CPED1: variants seen among roughly 807,000 people sequenced by gnomAD.
CPED1 encodes cadherin-like and PC-esterase domain-containing protein 1.
Under a neutral mutation model 128.2 loss-of-function variants are expected in CPED1, and 114 were observed. The ratio of observed to expected loss-of-function variants is 0.89; its 90% CI spans 0.76 to 1.04. The LOEUF (loss-of-function observed/expected upper bound fraction) is 1.04. Ranked by LOEUF, CPED1 falls within the 50% of genes least tolerant of loss-of-function variation. CPED1 has a pLI of 0.00. For missense variants in CPED1, 1,211 were observed against 1,207.1 expected (o/e 1.00, Z -0.05); for synonymous variants, 462 against 426.7 (o/e 1.08, Z -1.02).
chr7:121,070,948 GACTTGATCC>G (rs1426825978), intron 5 of CPED1, among the ~76,000 whole-genome samples: 2 of 152,116 alleles, frequency 1.3e-5, no homozygotes, highest in Non-Finnish European at 2.9e-5. Context: ...TTGATGTTCT[GACTTGATCC>G]AGGGACAGAT....
intron 16 of CPED1, among the ~76,000 whole-genome samples, chr7:121,176,080 A>G (rs1796770262): frequency 1.3e-5 from 2 of 151,588 alleles, no homozygotes; most frequent in African/African-American, 4.8e-5. Flanking sequence ...TACTTGAGGA[A>G]TTAGTCTAAT....
At chr7:121,249,064 G>A (rs1449731523) in intron 18 of CPED1, among the ~76,000 whole-genome samples, 4 of 151,986 alleles carry the variant, frequency 2.6e-5, no homozygotes, top group Non-Finnish European at 4.4e-5. Context: ...AATAGACCAG[G>A]CTGAGGAAAG....
intron 22 of CPED1, among the ~76,000 whole-genome samples, chr7:121,291,827 C>T (rs1792709419): frequency 6.6e-6 from 1 of 152,144 alleles, no homozygotes; most frequent in Non-Finnish European, 1.5e-5. Context: ...GCCAGAACTT[C>T]CAATACTATG....
At chr7:121,076,423 T>C (rs989455785) in intron 5 of CPED1, among the ~76,000 whole-genome samples, 1 of 152,188 alleles carries the variant, frequency 6.6e-6, no homozygotes, top group Non-Finnish European at 1.5e-5. Flanking sequence ...TCTGGGTGGT[T>C]ACCATTGCAG....
intron 7 of CPED1, among the ~76,000 whole-genome samples, chr7:121,111,975 G>A (rs1424525602): frequency 6.6e-6 from 1 of 152,124 alleles, no homozygotes; most frequent in African/African-American, 2.4e-5. Flanking sequence ...GCTAAGCGAG[G>A]CTGGGTAGTC....
chr7:121,012,489 A>G (rs1477447111), intron 2 of CPED1, among the ~76,000 whole-genome samples: 1 of 152,214 alleles, frequency 6.6e-6, no homozygotes, highest in Non-Finnish European at 1.5e-5. Context: ...ATACCTTTGG[A>G]ATTGTGGGAA....
intron 7 of CPED1, among the ~76,000 whole-genome samples, chr7:121,101,120 A>C (rs144661886): frequency 1.1e-4 from 17 of 152,180 alleles, no homozygotes; most frequent in African/African-American, 3.6e-4. Context: ...CAATATCTCT[A>C]TCTGCTTCCC....
At chr7:121,048,322 C>T (rs1793267448) in intron 4 of CPED1, among the ~76,000 whole-genome samples, 1 of 152,192 alleles carries the variant, frequency 6.6e-6, no homozygotes, top group South Asian at 2.1e-4. Flanking sequence ...CTCTCCTGCT[C>T]TTGTGTTCAG....
chr7:121,069,944 A>T (rs1793946608), intron 5 of CPED1, among the ~76,000 whole-genome samples: 1 of 152,094 alleles, frequency 6.6e-6, no homozygotes, highest in Non-Finnish European at 1.5e-5. Context: ...CAGTAGTTTT[A>T]TCTTAGCTCT....
At chr7:121,117,439 A>G (rs961091021) in intron 7 of CPED1, among the ~76,000 whole-genome samples, 2 of 152,012 alleles carry the variant, frequency 1.3e-5, no homozygotes, top group Admixed American at 1.3e-4. Context: ...TAAATTAAAA[A>G]ATTATATCAC....
At chr7:121,184,561 TAGTG>T (rs1446535653) in intron 16 of CPED1, among the ~76,000 whole-genome samples, 2 of 152,188 alleles carry the variant, frequency 1.3e-5, no homozygotes, top group Non-Finnish European at 2.9e-5. Context: ...TACAGAAAAC[TAGTG>T]AGTGAGTTTT....
At chr7:121,125,537 A>G (rs138719355) in intron 8 of CPED1, among the ~76,000 whole-genome samples, 500 of 151,946 alleles carry the variant, frequency 3.3e-3, no homozygotes, top group Non-Finnish European at 5.2e-3. Context: ...TTCAATTACC[A>G]TTTATGAGTG....
chr7:121,262,148 T>C (rs1268427833), intron 18 of CPED1, among the ~76,000 whole-genome samples: 1 of 152,032 alleles, frequency 6.6e-6, no homozygotes, highest in Non-Finnish European at 1.5e-5. Context: ...GCTCCCTCTC[T>C]TGCCCTGTGA....
At chr7:121,011,082 C>A (rs1450128805) in intron 2 of CPED1, among the ~76,000 whole-genome samples, 1 of 151,896 alleles carries the variant, frequency 6.6e-6, no homozygotes, top group Non-Finnish European at 1.5e-5. Context: ...ACCAGGAAGG[C>A]AATTTAACTT....
At chr7:121,013,311 G>A (rs1406199078) in intron 2 of CPED1, among the ~76,000 whole-genome samples, 2 of 152,226 alleles carry the variant, frequency 1.3e-5, no homozygotes, top group African/African-American at 2.4e-5. Flanking sequence ...GCATTTAAAT[G>A]GTTTTCTCAT....
At chr7:120,998,093 T>C (rs1796440952) in intron 2 of CPED1, among the ~76,000 whole-genome samples, 1 of 151,988 alleles carries the variant, frequency 6.6e-6, no homozygotes, top group African/African-American at 2.4e-5. Context: ...ACACCAAAGA[T>C]TGCGGCAAAC....
intron 16 of CPED1, among the ~76,000 whole-genome samples, chr7:121,153,463 T>G (rs1050103131): frequency 2.6e-5 from 4 of 152,240 alleles, no homozygotes; most frequent in African/African-American, 9.6e-5. Context: ...CATCTGATAA[T>G]TATTTAGCAC....
At chr7:121,005,006 A>G (rs1414060734) in intron 2 of CPED1, among the ~76,000 whole-genome samples, 1 of 152,202 alleles carries the variant, frequency 6.6e-6, no homozygotes, top group Non-Finnish European at 1.5e-5. Flanking sequence ...GAGAATAATC[A>G]TAGAGATAAT....
chr7:121,166,242 G>A (rs944059764), intron 16 of CPED1, among the ~76,000 whole-genome samples: 1 of 152,074 alleles, frequency 6.6e-6, no homozygotes, highest in Non-Finnish European at 1.5e-5. Flanking sequence ...TAGCTTTATC[G>A]CTTATTACCA....
Sources: allele counts gnomAD v4.1 joint callset (sites outside exome capture counted in the v4.1 genomes callset), GRCh38; gene constraint gnomAD v4.1.1; transcripts MANE v1.5; gene names NCBI Gene and HGNC (gene_info 2026-07-23, HGNC 2026-07-21).